The following HSBP1L1 variants were observed in gnomAD, a reference collection of about 807,000 sequenced individuals.
HSBP1L1 encodes the protein heat shock factor binding protein 1 like 1.
Under a neutral mutation model 9.7 loss-of-function variants are expected in HSBP1L1, and 8 were observed. That is an observed-to-expected ratio of 0.82 (90% confidence interval 0.48 to 1.48). HSBP1L1 has a LOEUF of 1.48. HSBP1L1 is among the 40% of genes most tolerant of loss of function. The pLI is 0.00. For synonymous variants in HSBP1L1, 39 were observed against 34.4 expected (o/e 1.13, Z -0.46); for missense variants, 106 against 95.8 (o/e 1.11, Z -0.44).
rs1357951651 is a variant in HSBP1L1, at chr18:79,968,145, G to C, written c.175G>C (p.Val59Leu). Residue 59 changes from valine to leucine, a missense_variant, in exon 3 of 4, where the codon GTG becomes CTG. Physicochemically the swap from Val to Leu is conservative, Grantham distance 32. Coordinates refer to ENST00000451882, the MANE Select transcript of HSBP1L1 (RefSeq NM_001136180.2). ...ACAGAAGAATGTCAAGGACTTAATG[G>C]TGCAAGCTGGCATTGAAAATTCTAT... ...DLQKNVKDLM[V>L]QAGIENSIKE... 2 of 1,548,964 alleles carry C rather than the reference G, an allele frequency of 1.3e-6. No homozygotes were observed. The highest frequency in any genetic ancestry group is 2.0e-5 in the Admixed American group (1 of 50,754).
intron 3 of HSBP1L1, among the ~76,000 whole-genome samples, chr18:79,969,312 G>GA (rs1239781130): frequency 6.4e-5 from 3 of 47,106 alleles, no homozygotes; most frequent in South Asian, 8.6e-4. Flanking sequence ...GAGAGAGAAA[G>GA]GAAAGAAAGA....
Position 79,970,612 on chromosome 18 carries a change from C to T in HSBP1L1, c.*161C>T. The T allele has an allele frequency of 1.6e-6, 1 of 617,738 alleles. No individual in the cohort carries two copies. Among genetic ancestry groups the T allele is most frequent in the South Asian group, 1.9e-5 (1 of 53,856 alleles). The allele number at this position is 617,738 out of a possible 1,614,324, so 38.3% of individuals were successfully genotyped here. ...CCGTGCCTGCACCAGAGAAGGAGGC[C>T]ATCGGCAAGCCAAGGAGAGCCCTCC... On this transcript the variant is annotated 3_prime_UTR_variant, in exon 4 of 4. Coordinates refer to ENST00000451882, the MANE Select transcript of HSBP1L1 (RefSeq NM_001136180.2).
chr18:79,967,199 G>C (rs2051262242), intron 2 of HSBP1L1, among the ~76,000 whole-genome samples: 5 of 149,870 alleles, frequency 3.3e-5, no homozygotes, highest in Admixed American at 3.3e-4. Flanking sequence ...AACACAGGAT[G>C]TCTTGTGCAG....
At chr18:79,969,375 G>GAA (rs1300355171) in intron 3 of HSBP1L1, among the ~76,000 whole-genome samples, 2 of 52,056 alleles carry the variant, frequency 3.8e-5, no homozygotes, top group African/African-American at 4.9e-5. Context: ...AAGAAAGAAA[G>GAA]AAAGAAAGAA....
intron 2 of HSBP1L1, 39 bp downstream of exon 2, chr18:79,966,717 C>T (rs919891686): frequency 8.8e-6 from 12 of 1,366,316 alleles, no homozygotes; most frequent in African/African-American, 1.4e-5. Context: ...GTGATTCTTT[C>T]GGACTGGTAG....
In HSBP1L1 at chr18:79,968,089, TG is replaced by T. The variant is rs751075510; in HGVS notation, c.121del (p.Glu41LysfsTer17). 27 of 1,544,814 alleles carry T rather than the reference TG, an allele frequency of 1.7e-5. No homozygotes were observed. Among genetic ancestry groups the T allele is most frequent in the Non-Finnish European group, 2.3e-5 (26 of 1,140,950 alleles). ...QALTATLNLR[M>X]EEMGNRIEDL... is the part of the protein sequence containing the mutation. The stretch of plus-strand genomic sequence containing the variant: ...TACGCAGAGCGCCTTAACACTGTAC[TG>T]GAAGAAATGGGAAATCGCATTGAGG... On this transcript the variant is annotated frameshift_variant and splice_region_variant, in exon 3 of 4. Transcript: ENST00000451882. LOFTEE classifies it high-confidence loss of function.
At chr18:79,966,863 C>A in intron 2 of HSBP1L1, 185 bp downstream of exon 2, 1 of 536,682 alleles carries the variant, frequency 1.9e-6, no homozygotes, top group Non-Finnish European at 3.3e-6. Flanking sequence ...AAAGCTGTAC[C>A]TCCGGCCGGG....
chr18:79,967,881 G>A (rs889164437), intron 2 of HSBP1L1: 8 of 436,762 alleles, frequency 1.8e-5, no homozygotes, highest in African/African-American at 1.0e-4. Flanking sequence ...GGGGAGCCAC[G>A]TTTTCTAAGC....
At chr18:79,969,263 G>GAGA (rs2051275128) in intron 3 of HSBP1L1, among the ~76,000 whole-genome samples, 1 of 54,470 alleles carries the variant, frequency 1.8e-5, no homozygotes, top group Non-Finnish European at 3.1e-5. Flanking sequence ...AGAGAGAGAG[G>GAGA]GAGGGAGGGA....
chr18:79,965,073 C>T (rs1599698315), intron 1 of HSBP1L1, among the ~76,000 whole-genome samples: 1 of 122,030 alleles, frequency 8.2e-6, no homozygotes, highest in African/African-American at 3.3e-5. Context: ...CTGGGGGACC[C>T]TGCGATCCTC....
intron 1 of HSBP1L1, among the ~76,000 whole-genome samples, chr18:79,965,190 G>T (rs964433463): frequency 2.6e-5 from 4 of 152,166 alleles, no homozygotes; most frequent in Admixed American, 6.5e-5. Flanking sequence ...GGACCCACGA[G>T]TGTCGCAGCG....
In HSBP1L1 at chr18:79,964,795, C is replaced by T; in HGVS notation, c.51+9C>T. ...GCGCGCTGCGGGACGCGGTGAGCCC[C>T]TCCCCGACTCCTGCTTCTCTCTGGA... is the stretch of plus-strand genomic sequence containing the variant. On this transcript the variant is annotated intron_variant, in intron 1 of 3. Coordinates refer to ENST00000451882, the MANE Select transcript of HSBP1L1 (RefSeq NM_001136180.2). The T allele has an allele frequency of 7.3e-7, 1 of 1,378,606 alleles. No individual in the cohort carries two copies. 85.4% of individuals were successfully genotyped at this position (1,378,606 alleles called of 1,614,324 possible).
Position 79,964,797 on chromosome 18 carries a change from C to T in HSBP1L1, c.51+11C>T. 1 of 1,377,458 alleles carries T rather than the reference C, an allele frequency of 7.3e-7. No homozygotes were observed. The highest frequency in any genetic ancestry group is 9.4e-7 in the Non-Finnish European group (1 of 1,063,752). 85.3% of individuals were successfully genotyped at this position (1,377,458 alleles called of 1,614,324 possible). ...GCGCTGCGGGACGCGGTGAGCCCCT[C>T]CCCGACTCCTGCTTCTCTCTGGATG... On this transcript the variant is annotated intron_variant, in intron 1 of 3. Coordinates refer to ENST00000451882, the MANE Select transcript of HSBP1L1 (RefSeq NM_001136180.2).
In HSBP1L1 at chr18:79,968,140, T is replaced by C. The variant is rs2051266936; in HGVS notation, c.170T>C (p.Leu57Ser). Residue 57 changes from leucine (L) to serine (S), a missense_variant, in exon 3 of 4, where the codon TTA (leucine) becomes TCA (serine). Transcript: ENST00000451882. ...IEDLQKNVKD[L>S]MVQAGIENSI... Reference sequence around the variant, plus strand: ...GACTTACAGAAGAATGTCAAGGACTTAATGGTGCAAGCTGGCATTGAAAAT... The same window carrying C: ...GACTTACAGAAGAATGTCAAGGACTCAATGGTGCAAGCTGGCATTGAAAAT... The C allele has an allele frequency of 6.5e-7, 1 of 1,549,744 alleles. No homozygotes were observed. The highest frequency in any genetic ancestry group is 8.7e-7 in the Non-Finnish European group (1 of 1,145,354).
At position 79,964,924 on chromosome 18, in the gene HSBP1L1, G is replaced by A. The variant is rs191562453; in HGVS notation, c.51+138G>A. 528 of 422,910 alleles carry A rather than the reference G, an allele frequency of 1.2e-3. 3 individuals carry two copies. Among genetic ancestry groups the A allele is most frequent in the African/African-American group, 0.01 (460 of 45,606 alleles). The allele number at this position is 422,910 out of a possible 1,614,324, so 26.2% of individuals were successfully genotyped here. A position where few individuals can be genotyped will look rare whatever the true frequency, so the allele number is the denominator to read the frequency against. On this transcript the variant is annotated intron_variant, in intron 1 of 3. Coordinates refer to ENST00000451882, the MANE Select transcript of HSBP1L1 (RefSeq NM_001136180.2). ...TCGTGGGGCCCTGAGGTCCTGGGGG[G>A]CCTGCGATCCTGAGGACTCCTGTGG...
At position 79,966,686 on chromosome 18, in the gene HSBP1L1, T is replaced by C. The variant is rs2051259002; in HGVS notation, c.118+8T>C. 8 of 1,534,338 alleles carry C rather than the reference T, an allele frequency of 5.2e-6. No individual in the cohort carries two copies. The highest frequency in any genetic ancestry group is 2.6e-6 in the Non-Finnish European group (3 of 1,132,080). On this transcript the variant is annotated splice_region_variant and intron_variant, in intron 2 of 3. Coordinates refer to ENST00000451882, the MANE Select transcript of HSBP1L1 (RefSeq NM_001136180.2). ...CAACATTAAACCTCAGAAATATCCTTTTCTACCTTTAACAAATGCTGTGAT... is the reference window on the plus strand; with the variant it reads ...CAACATTAAACCTCAGAAATATCCTCTTCTACCTTTAACAAATGCTGTGAT...
rs200972848 is a variant in HSBP1L1, at chr18:79,970,586, T to G, written c.*135T>G. On this transcript the variant is annotated 3_prime_UTR_variant, in exon 4 of 4. Transcript: ENST00000451882. ...CGCAAGGGGCTCGCCTGCTCTCCCC[T>G]CCGTGCCTGCACCAGAGAAGGAGGC... 223 of 27,454 alleles carry G rather than the reference T, an allele frequency of 8.1e-3. No homozygotes were observed. The highest frequency in any genetic ancestry group is 0.015 in the Non-Finnish European group (198 of 12,810). 1.7% of individuals were successfully genotyped at this position (27,454 alleles called of 1,614,324 possible). A position where few individuals can be genotyped will look rare whatever the true frequency, so the allele number is the denominator to read the frequency against.
rs748257920 is a variant in HSBP1L1, at chr18:79,968,074, G to A, written c.119-15G>A. 71 of 1,506,770 alleles carry A rather than the reference G, an allele frequency of 4.7e-5. No individual in the cohort carries two copies. Among genetic ancestry groups the A allele is most frequent in the Admixed American group, 1.2e-4 (6 of 50,316 alleles). 93.3% of individuals were successfully genotyped at this position (1,506,770 alleles called of 1,614,324 possible). ...TCTGGACTCCAGCTCTACGCAGAGC[G>A]CCTTAACACTGTACTGGAAGAAATG... is the stretch of plus-strand genomic sequence containing the variant. On this transcript the variant is annotated splice_polypyrimidine_tract_variant and intron_variant, in intron 2 of 3. Coordinates refer to ENST00000451882, the MANE Select transcript of HSBP1L1 (RefSeq NM_001136180.2).
intron 1 of HSBP1L1, among the ~76,000 whole-genome samples, chr18:79,965,794 GC>G (rs1392567417): frequency 6.6e-6 from 1 of 152,282 alleles, no homozygotes; most frequent in East Asian, 1.9e-4. Flanking sequence ...ATGGGTCCCT[GC>G]CCCGTCTGCA....
Sources: gnomAD v4.1 joint callset for allele counts (sites outside exome capture counted in the v4.1 genomes callset) on GRCh38, gnomAD v4.1.1 for gene constraint, MANE v1.5 for transcripts, NCBI Gene and HGNC (gene_info 2026-07-23, HGNC 2026-07-21) for gene names.